The following USP7 variants were observed in gnomAD, a reference collection of about 807,000 sequenced individuals.
The protein encoded by USP7 is ubiquitin C-terminal hydrolase 7.
USP7 carries 9 observed loss-of-function variants against 162.9 expected under a neutral mutation model. The ratio of observed to expected loss-of-function variants is 0.06; its 90% confidence interval spans 0.03 to 0.10. USP7 has a LOEUF of 0.10. Ranked by LOEUF, USP7 falls within the 10% of genes least tolerant of loss-of-function variation. USP7 has a pLI of 1.00. For missense variants in USP7, 715 were observed against 1,373.7 expected, an observed-to-expected ratio of 0.52 and a Z score of 7.58; for synonymous variants, 562 against 475.9, an observed-to-expected ratio of 1.18 and a Z score of -2.35.
In USP7 at chr16:8,906,600, A is replaced by G. The variant is rs946969245; in HGVS notation, c.1272-18T>C. 2 of 1,606,690 alleles carry G rather than the reference A, an allele frequency of 1.2e-6. No homozygotes were observed. The highest frequency in any genetic ancestry group is 1.7e-6 in the Non-Finnish European group (2 of 1,176,904). On this transcript the variant is annotated intron_variant, in intron 12 of 30. Transcript: ENST00000344836. Reference sequence around the variant, plus strand: ...ATTCAAACCTATTAGAAAACATTTTAAAAGAAATTCAGTATTAATTTACAC... The same window carrying G: ...ATTCAAACCTATTAGAAAACATTTTGAAAGAAATTCAGTATTAATTTACAC...
chr16:8,933,654 T>A (rs149375139), intron 1 of USP7, among the ~76,000 whole-genome samples: 1 of 152,098 alleles, frequency 6.6e-6, no homozygotes, highest in African/African-American at 2.4e-5. Context: ...GATTTTACAA[T>A]GTTGCCCAGG....
At chr16:8,957,140 T>G (rs527827280) in intron 1 of USP7, among the ~76,000 whole-genome samples, 1 of 152,338 alleles carries the variant, frequency 6.6e-6, no homozygotes, top group East Asian at 1.9e-4. Flanking sequence ...CCCTCAGAAG[T>G]AGACCTGCTT....
intron 5 of USP7, among the ~76,000 whole-genome samples, chr16:8,920,127 C>A (rs1897606491): frequency 6.6e-6 from 1 of 152,178 alleles, no homozygotes; most frequent in Non-Finnish European, 1.5e-5. Context: ...AAAACCACAG[C>A]TGTCTAGTTG....
intron 27 of USP7, 121 bp downstream of exon 27, chr16:8,895,521 C>T (rs1162883035): frequency 2.2e-6 from 2 of 903,012 alleles, no homozygotes; most frequent in African/African-American, 1.7e-5. Context: ...GAATCATATA[C>T]CTCGATTACT....
intron 13 of USP7, 58 bp downstream of exon 13, chr16:8,906,368 C>T (rs868620933): frequency 6.3e-7 from 1 of 1,576,654 alleles, no homozygotes; most frequent in Non-Finnish European, 8.6e-7. Flanking sequence ...CAGGCTGAAG[C>T]AGAGCTTGTG....
intron 5 of USP7, 142 bp from the exon 6 acceptor site, chr16:8,919,281 C>T (rs1032871810): frequency 7.9e-6 from 6 of 756,946 alleles, no homozygotes; most frequent in Admixed American, 6.7e-5. Flanking sequence ...CAATGGTCAC[C>T]GATTCCCTTC....
At chr16:8,915,613 T>A (rs977470125) in intron 8 of USP7, 88 bp from the exon 9 acceptor site, 6 of 1,162,666 alleles carry the variant, frequency 5.2e-6, no homozygotes, top group African/African-American at 1.6e-5. Context: ...AATATCAATG[T>A]TCAAAGAAGT....
At chr16:8,930,121 G>C (rs2141229472) in intron 2 of USP7, among the ~76,000 whole-genome samples, 172 bp downstream of exon 2, 1 of 152,312 alleles carries the variant, frequency 6.6e-6, no homozygotes, top group South Asian at 2.1e-4. Context: ...CAATGGTGTA[G>C]GCAATCTTGA....
At chr16:8,912,849 T>TA (rs949113330) in intron 10 of USP7, among the ~76,000 whole-genome samples, 8 of 150,954 alleles carry the variant, frequency 5.3e-5, no homozygotes, top group South Asian at 2.1e-4. Flanking sequence ...CTTCTAAAAA[T>TA]AAAAAAAAAT....
In USP7 at chr16:8,963,427, G is replaced by C. The variant is rs1900104656; in HGVS notation, c.-142C>G. 6.7e-6 allele frequency: 1 copy of C among 148,938 alleles called. No homozygotes were observed. Among genetic ancestry groups the C allele is most frequent in the Admixed American group, 6.9e-5 (1 of 14,558 alleles). 9.2% of individuals were successfully genotyped at this position (148,938 alleles called of 1,614,324 possible). ...CCTCCTCCCGCGCGTCGTCGGCGAC[G>C]GCGGCCCCGGGGCGGCCCGCGGCGG... On this transcript the variant is annotated 5_prime_UTR_variant, in exon 1 of 31. Transcript: ENST00000344836.
intron 1 of USP7, among the ~76,000 whole-genome samples, chr16:8,943,081 C>A (rs1284100534): frequency 6.6e-6 from 1 of 152,092 alleles, no homozygotes; most frequent in Non-Finnish European, 1.5e-5. Context: ...TGAAATAATC[C>A]TGATGTAAAT....
chr16:8,913,286 GT>G (rs2061977049), intron 10 of USP7, among the ~76,000 whole-genome samples: 1 of 152,156 alleles, frequency 6.6e-6, no homozygotes, highest in African/African-American at 2.4e-5. Flanking sequence ...AGCCCAGGAG[GT>G]GGAGGTTGCA....
At chr16:8,931,009 T>A (rs1383827060) in intron 1 of USP7, among the ~76,000 whole-genome samples, 6 of 152,042 alleles carry the variant, frequency 3.9e-5, no homozygotes, top group Admixed American at 3.9e-4. Context: ...AGTTCTTACT[T>A]TACAATAGCT....
At chr16:8,946,484 G>A (rs1037777997) in intron 1 of USP7, among the ~76,000 whole-genome samples, 1 of 152,220 alleles carries the variant, frequency 6.6e-6, no homozygotes, top group Non-Finnish European at 1.5e-5. Flanking sequence ...AAGCTGTTAA[G>A]TGAATACACA....
At chr16:8,954,689 T>C (rs960314562) in intron 1 of USP7, among the ~76,000 whole-genome samples, 11 of 152,162 alleles carry the variant, frequency 7.2e-5, no homozygotes, top group Admixed American at 5.9e-4. Context: ...ATAACAGCAA[T>C]TGCAGGCCGG....
intron 2 of USP7, among the ~76,000 whole-genome samples, chr16:8,925,465 A>G (rs1377473915): frequency 1.3e-5 from 2 of 152,236 alleles, no homozygotes; most frequent in Admixed American, 1.3e-4. Flanking sequence ...AGCTCTTTAC[A>G]GGGTTTGATT....
intron 1 of USP7, among the ~76,000 whole-genome samples, chr16:8,955,604 G>A (rs2141265785): frequency 6.6e-6 from 1 of 151,128 alleles, no homozygotes; most frequent in South Asian, 2.1e-4. Flanking sequence ...TACTTGGGAG[G>A]CTGAGGCAGG....
chr16:8,943,495 G>A (rs531296154), intron 1 of USP7, among the ~76,000 whole-genome samples: 2 of 152,106 alleles, frequency 1.3e-5, no homozygotes, highest in East Asian at 1.9e-4. Flanking sequence ...TGACACACAA[G>A]AGCCAAAGGA....
At chr16:8,914,210 G>A (rs1180043058) in intron 10 of USP7, among the ~76,000 whole-genome samples, 1 of 152,014 alleles carries the variant, frequency 6.6e-6, no homozygotes, top group Middle Eastern at 3.2e-3. Flanking sequence ...TGATCTTCAA[G>A]GAAATACAAA....
Sources: allele counts gnomAD v4.1 joint callset (sites outside exome capture counted in the v4.1 genomes callset), GRCh38; gene constraint gnomAD v4.1.1; transcripts MANE v1.5; gene names NCBI Gene and HGNC (gene_info 2026-07-23, HGNC 2026-07-21).